Variants in AK5 observed in about 807,000 individuals in gnomAD.
AK5 encodes the protein adenylate kinase 5.
In AK5, 27 loss-of-function variants were observed where a neutral mutation model predicts 69.5. That is an observed-to-expected ratio of 0.39 (90% CI 0.29 to 0.54). AK5 has a LOEUF of 0.54. Among genes scored for constraint, AK5 ranks in the 20% least tolerant of loss-of-function variants. The pLI, the probability that AK5 is intolerant of heterozygous loss-of-function variation, is 0.71. For missense variants in AK5, 531 were observed against 700.4 expected (o/e 0.76, Z 2.73); for synonymous variants, 260 against 244.4 (o/e 1.06, Z -0.60).
intron 6 of AK5, among the ~76,000 whole-genome samples, chr1:77,350,714 C>T (rs1460655784): frequency 6.6e-6 from 1 of 152,178 alleles, no homozygotes; most frequent in Non-Finnish European, 1.5e-5. Context: ...TCACCTGCAT[C>T]ATAGGCGTAA....
chr1:77,336,078 TA>T (rs1366828773), intron 5 of AK5, among the ~76,000 whole-genome samples: 1 of 121,980 alleles, frequency 8.2e-6, no homozygotes, highest in African/African-American at 2.9e-5. Flanking sequence ...CATACTATCT[TA>T]TAACCCTTTT....
At chr1:77,294,099 T>C in intron 3 of AK5, 139 bp downstream of exon 3, 2 of 693,206 alleles carry the variant, frequency 2.9e-6, no homozygotes, top group Non-Finnish European at 4.6e-6. Flanking sequence ...GGACAATAAA[T>C]GGAAATATTC....
intron 8 of AK5, among the ~76,000 whole-genome samples, chr1:77,474,607 T>C (rs1654727986): frequency 6.6e-6 from 1 of 152,144 alleles, no homozygotes; most frequent in African/African-American, 2.4e-5. Context: ...GTGTGACCAA[T>C]GGAGGAACTC....
At chr1:77,550,869 C>G (rs1404856868) in intron 13 of AK5, among the ~76,000 whole-genome samples, 1 of 152,148 alleles carries the variant, frequency 6.6e-6, no homozygotes, top group African/African-American at 2.4e-5. Flanking sequence ...ACTGGGCTCT[C>G]TTTTGCTCCT....
chr1:77,540,331 G>A (rs1455243675), intron 13 of AK5, among the ~76,000 whole-genome samples: 1 of 152,174 alleles, frequency 6.6e-6, no homozygotes, highest in Non-Finnish European at 1.5e-5. Context: ...ATAAAGCAGA[G>A]GTTTGCCCTG....
At chr1:77,532,814 C>A (rs1054986455) in intron 12 of AK5, among the ~76,000 whole-genome samples, 4 of 152,144 alleles carry the variant, frequency 2.6e-5, no homozygotes, top group African/African-American at 9.7e-5. Flanking sequence ...ATGTTGGGGG[C>A]AGGCCAATGT....
chr1:77,300,794 G>A (rs1659298996), intron 5 of AK5, among the ~76,000 whole-genome samples: 2 of 152,056 alleles, frequency 1.3e-5, no homozygotes, highest in Admixed American at 6.6e-5. Flanking sequence ...ATAAATTCAA[G>A]GTTTCCATAA....
chr1:77,333,549 C>CCA (rs963253059), intron 5 of AK5, among the ~76,000 whole-genome samples: 2 of 147,962 alleles, frequency 1.4e-5, no homozygotes, highest in Non-Finnish European at 3.0e-5. Context: ...AAATCTCCCC[C>CCA]CCACCATGCT....
chr1:77,313,797 C>A (rs1470994314), intron 5 of AK5: 1 of 532,160 alleles, frequency 1.9e-6, no homozygotes. Flanking sequence ...TTTTTCAGTA[C>A]AGCCTACGCC....
At chr1:77,530,246 G>T (rs972556562) in intron 12 of AK5, among the ~76,000 whole-genome samples, 43 of 152,188 alleles carry the variant, frequency 2.8e-4, no homozygotes, top group African/African-American at 1.0e-3. Flanking sequence ...CCGGTTCACT[G>T]CAGAACTTAG....
At chr1:77,392,727 A>G (rs1469183511) in intron 6 of AK5, among the ~76,000 whole-genome samples, 2 of 152,004 alleles carry the variant, frequency 1.3e-5, no homozygotes, top group African/African-American at 4.8e-5. Flanking sequence ...ATTTTATGCC[A>G]AAAGGAAATG....
intron 5 of AK5, among the ~76,000 whole-genome samples, chr1:77,307,330 T>C (rs1025583055): frequency 6.6e-6 from 1 of 151,418 alleles, no homozygotes; most frequent in African/African-American, 2.4e-5. Context: ...TTTTTTCAGT[T>C]TCCTTCTTAA....
chr1:77,391,525 A>ATATATATATATATC (rs146163792), intron 6 of AK5, among the ~76,000 whole-genome samples: 1 of 121,682 alleles, frequency 8.2e-6, no homozygotes, highest in Non-Finnish European at 1.7e-5. Flanking sequence ...ATATATATAT[A>ATATATATATATATC]TATCTCCTCA....
intron 5 of AK5, among the ~76,000 whole-genome samples, chr1:77,309,351 A>C (rs752136602): frequency 1.3e-5 from 2 of 152,158 alleles, no homozygotes; most frequent in South Asian, 2.1e-4. Context: ...ATATTCAACT[A>C]TCTGGTCCCA....
chr1:77,346,220 C>T (rs992016650), intron 6 of AK5: 3 of 152,192 alleles, frequency 2.0e-5, no homozygotes, highest in Non-Finnish European at 1.5e-5. Flanking sequence ...GCCCTTCAAA[C>T]CCCTGTCGTG....
chr1:77,371,780 A>C (rs376572386), intron 6 of AK5, among the ~76,000 whole-genome samples: 3 of 152,342 alleles, frequency 2.0e-5, no homozygotes, highest in African/African-American at 7.2e-5. Flanking sequence ...TTCCATAGAT[A>C]GTATGCAGAC....
intron 6 of AK5, among the ~76,000 whole-genome samples, chr1:77,394,616 G>A (rs751786968): frequency 4.3e-4 from 65 of 152,236 alleles, no homozygotes; most frequent in Non-Finnish European, 6.8e-4. Flanking sequence ...CTAGTGCATG[G>A]CATATAGTAG....
chr1:77,505,055 T>C (rs1656949144), intron 10 of AK5, among the ~76,000 whole-genome samples: 1 of 152,262 alleles, frequency 6.6e-6, no homozygotes, highest in African/African-American at 2.4e-5. Flanking sequence ...TTTACTTATA[T>C]TGCCAAATTG....
chr1:77,473,622 A>G (rs1174418005), intron 8 of AK5, among the ~76,000 whole-genome samples: 1 of 152,126 alleles, frequency 6.6e-6, no homozygotes, highest in African/African-American at 2.4e-5. Context: ...TATCTTCTCT[A>G]TCACTATTTT....
Sources: allele counts gnomAD v4.1 joint callset (sites outside exome capture counted in the v4.1 genomes callset), GRCh38; gene constraint gnomAD v4.1.1; transcripts MANE v1.5; gene names NCBI Gene and HGNC (gene_info 2026-07-23, HGNC 2026-07-21).